Variants in SP1 observed in about 807,000 individuals in gnomAD.
The protein encoded by SP1 is Sp1 transcription factor.
A neutral mutation model predicts 66.3 loss-of-function variants in SP1; 6 were observed. The ratio of observed to expected loss-of-function variants is 0.09; its 90% CI spans 0.05 to 0.18. The LOEUF is 0.18. SP1 is among the 10% of genes least tolerant of loss of function. SP1 has a pLI of 1.00. For missense variants in SP1, 848 were observed against 964.5 expected (o/e 0.88, Z 1.60); for synonymous variants, 417 against 360.8 (o/e 1.16, Z -1.77).
At chr12:53,392,705 G>C (rs1489671516) in intron 3 of SP1, among the ~76,000 whole-genome samples, 6 of 151,702 alleles carry the variant, frequency 4.0e-5, no homozygotes, top group Non-Finnish European at 7.4e-5. Flanking sequence ...ACGCTGGCCA[G>C]GCTGGTCTCG....
At chr12:53,382,051 C>A in intron 2 of SP1, 59 bp from the exon 3 acceptor site, 1 of 1,506,128 alleles carries the variant, frequency 6.6e-7, no homozygotes, top group Non-Finnish European at 9.1e-7. Flanking sequence ...TTGTATACTG[C>A]CCCCTAGGCT....
Position 53,381,597 on chromosome 12 carries a change from C to G in SP1, c.8-62C>G, listed in dbSNP as rs543414694. On this transcript the variant is annotated intron_variant, in intron 1 of 5. Coordinates refer to ENST00000327443, the MANE Select transcript of SP1 (RefSeq NM_138473.3). ...CTATTTCATCATAGCCTCCTTTTAT[C>G]CTTCCTACTTCATTTCTTTTCTTCC... 8 of 1,457,756 alleles carry G rather than the reference C, an allele frequency of 5.5e-6. No homozygotes were observed. The East Asian group carries it at 1.2e-4, about 21-fold the overall frequency. 90.3% of individuals were successfully genotyped at this position (1,457,756 alleles called of 1,614,324 possible). A position where few individuals can be genotyped will look rare whatever the true frequency, so the allele number is the denominator to read the frequency against.
At chr12:53,404,179 AAAAAG>A (rs933723823) in intron 3 of SP1, among the ~76,000 whole-genome samples, 4 of 151,792 alleles carry the variant, frequency 2.6e-5, no homozygotes, top group Non-Finnish European at 5.9e-5. Flanking sequence ...TCAAAAAAAA[AAAAAG>A]GAAAGAAGTC....
rs573307267 is a variant in SP1, at chr12:53,407,074, T to G, written c.1844+321T>G. Among the ~76,000 whole-genome samples the G allele has an allele frequency of 7.2e-5, 11 of 152,102 alleles. No individual in the cohort carries two copies. In the South Asian group the frequency reaches 2.3e-3, roughly 32 times the overall value. Reference sequence around the variant, plus strand: ...CTCCTGACCTCGTGATCTGCCCGCCTCGGCCTCCTAAAGTGCTGGGATTAC... The same window carrying G: ...CTCCTGACCTCGTGATCTGCCCGCCGCGGCCTCCTAAAGTGCTGGGATTAC... On this transcript the variant is annotated intron_variant, in intron 4 of 5. Coordinates refer to ENST00000327443, the MANE Select transcript of SP1 (RefSeq NM_138473.3).
At chr12:53,396,811 A>G (rs180836139) in intron 3 of SP1, among the ~76,000 whole-genome samples, 10 of 149,354 alleles carry the variant, frequency 6.7e-5, no homozygotes, top group East Asian at 3.9e-4. Context: ...TTAAAATACA[A>G]TTTTTTTTTT....
chr12:53,404,238 C>T (rs924859752), intron 3 of SP1, among the ~76,000 whole-genome samples: 6 of 147,346 alleles, frequency 4.1e-5, no homozygotes, highest in African/African-American at 1.2e-4. Context: ...ATTACTTTTG[C>T]GAAGAATATT....
chr12:53,394,459 G>A (rs1157495578), intron 3 of SP1, among the ~76,000 whole-genome samples: 1 of 135,192 alleles, frequency 7.4e-6, no homozygotes, highest in Non-Finnish European at 1.6e-5. Flanking sequence ...TGCCCAGAGT[G>A]CTGTGGCACA....
rs1332005817 is a variant in SP1, at chr12:53,382,359, A to C, written c.412A>C (p.Lys138Gln). The C allele has an allele frequency of 5.0e-6, 8 of 1,614,080 alleles. No individual in the cohort carries two copies. The highest frequency in any genetic ancestry group is 5.9e-6 in the Non-Finnish European group (7 of 1,180,030). ...TGGCAGCAATGGCAGTGAGTCTTCC[A>C]AGAATCGCACAGTCTCTGGTGGGCA... ...TNGSNGSESS[K>Q]NRTVSGGQYV... is the part of the protein sequence containing the mutation. Residue 138 changes from lysine (K) to glutamine (Q), a missense_variant, in exon 3 of 6, where the codon AAG becomes CAG. Lys to Gln is a moderately conservative substitution (Grantham distance 53). Around this residue, in one of 7 missense-constraint regions of SP1, gnomAD observed 606 missense variants for 589.9 expected, o/e 1.03. Transcript: ENST00000327443.
chr12:53,411,575 C>A lies in SP1; in HGVS notation c.*335C>A, dbSNP rs781524296. The A allele has an allele frequency of 1.9e-4, 36 of 186,400 alleles. 1 individual carries two copies. Among genetic ancestry groups the A allele is most frequent in the East Asian group, 1.1e-3 (8 of 7,474 alleles). The allele number at this position is 186,400 out of a possible 1,614,324, so 11.5% of individuals were successfully genotyped here. A position where few individuals can be genotyped will look rare whatever the true frequency, so the allele number is the denominator to read the frequency against. The stretch of plus-strand genomic sequence containing the variant: ...AGCTCTTCCATGATGGATTCCCCCC[C>A]CTTTCCTAAAGCCATCATGCCTTGA... On this transcript the variant is annotated 3_prime_UTR_variant, in exon 6 of 6. Coordinates refer to ENST00000327443, the MANE Select transcript of SP1 (RefSeq NM_138473.3).
chr12:53,394,033 G>A (rs1190298078), intron 3 of SP1, among the ~76,000 whole-genome samples: 1 of 151,880 alleles, frequency 6.6e-6, no homozygotes, highest in African/African-American at 2.4e-5. Context: ...TGACCAACAT[G>A]GAGAAACCCC....
rs12814411 is a variant in SP1, at chr12:53,385,192, G to T, written c.1675+1570G>T. 2.0e-5 allele frequency among the ~76,000 whole-genome samples: 3 copies of T among 152,014 alleles called. No homozygotes were observed. The East Asian group carries it at 5.8e-4, about 29-fold the overall frequency. ...CGCCTGTAGTCCCAGCTACTCAGGA[G>T]GCTGAGGCCAAGAATTGCTTGAACC... On this transcript the variant is annotated intron_variant, in intron 3 of 5. Coordinates refer to ENST00000327443, the MANE Select transcript of SP1 (RefSeq NM_138473.3).
At chr12:53,388,653 C>T (rs1456097440) in intron 3 of SP1, among the ~76,000 whole-genome samples, 1 of 152,130 alleles carries the variant, frequency 6.6e-6, no homozygotes, top group Non-Finnish European at 1.5e-5. Context: ...GAGGCTTACT[C>T]CTTTTTCAGC....
chr12:53,399,365 G>A (rs1228067376), intron 3 of SP1, among the ~76,000 whole-genome samples: 2 of 151,372 alleles, frequency 1.3e-5, no homozygotes, highest in Admixed American at 6.6e-5. Context: ...ACGGAATCTC[G>A]CTCTGTCGCC....
intron 4 of SP1, 59 bp from the exon 5 acceptor site, chr12:53,409,301 ACT>A (rs1938826701): frequency 2.2e-6 from 3 of 1,379,322 alleles, no homozygotes; most frequent in Non-Finnish European, 3.0e-6. Context: ...TGCTGTTGAT[ACT>A]TTGTGGTTCT....
Position 53,382,875 on chromosome 12 carries a change from T to C in SP1, c.928T>C (p.Leu310=), listed in dbSNP as rs1268614227. The C allele has an allele frequency of 6.2e-7, 1 of 1,614,198 alleles. No homozygotes were observed. The highest frequency in any genetic ancestry group is 1.1e-5 in the South Asian group (1 of 91,088). ...TSGTTISSAS[L]VSSQASSSSF... ...AGGGACTACCATCAGTTCTGCCAGCTTGGTATCATCACAAGCCAGTTCCAG... is the reference window on the plus strand; with the variant it reads ...AGGGACTACCATCAGTTCTGCCAGCCTGGTATCATCACAAGCCAGTTCCAG... Residue 310 remains leucine (L), a synonymous_variant, in exon 3 of 6, where the codon TTG becomes CTG. Transcript: ENST00000327443.
At chr12:53,387,006 A>G (rs1260794933) in intron 3 of SP1, among the ~76,000 whole-genome samples, 2 of 141,870 alleles carry the variant, frequency 1.4e-5, no homozygotes, top group Non-Finnish European at 3.0e-5. Flanking sequence ...GCTGGAGTGC[A>G]GTGGTGCGAT....
In SP1 at chr12:53,411,977, C is replaced by T. The variant is rs1938899450; in HGVS notation, c.*737C>T. ...CAACTGTTGCCGTCTCATCTTCTCT[C>T]ATCTGATCACTTCATGTTTTGTTTT... On this transcript the variant is annotated 3_prime_UTR_variant, in exon 6 of 6. Coordinates refer to ENST00000327443, the MANE Select transcript of SP1 (RefSeq NM_138473.3). The T allele has an allele frequency of 6.6e-6, 1 of 152,278 alleles. No homozygotes were observed. Among genetic ancestry groups the T allele is most frequent in the South Asian group, 2.1e-4 (1 of 4,830 alleles). 9.4% of individuals were successfully genotyped at this position (152,278 alleles called of 1,614,324 possible).
intron 1 of SP1, chr12:53,380,784 A>C: frequency 5.3e-6 from 2 of 374,054 alleles, no homozygotes; most frequent in Non-Finnish European, 6.6e-6. Flanking sequence ...CTCACCCCGA[A>C]ACCGCCCTTT....
chr12:53,398,479 C>T lies in SP1; in HGVS notation c.1676-8106C>T, dbSNP rs368247004. ...TGTATTTTTAGTAGAGACAGGGTTT[C>T]ACCATGTTGGCCAGGCTTGTCTCAA... On this transcript the variant is annotated intron_variant, in intron 3 of 5. Transcript: ENST00000327443. 1.3e-4 allele frequency among the ~76,000 whole-genome samples: 20 copies of T among 152,330 alleles called. No homozygotes were observed. The East Asian group carries it at 2.1e-3, about 16-fold the overall frequency.
Sources: gnomAD v4.1 joint callset for allele counts (sites outside exome capture counted in the v4.1 genomes callset) on GRCh38, gnomAD v4.1.1 for gene constraint, gnomAD v4.1.1 regional missense constraint, MANE v1.5 for transcripts, NCBI Gene and HGNC (gene_info 2026-07-23, HGNC 2026-07-21) for gene names.